The following COL24A1 variants were observed in gnomAD, a reference collection of about 807,000 sequenced individuals.
COL24A1 encodes collagen alpha-1(XXIV) chain.
Under a neutral mutation model 253.9 loss-of-function variants are expected in COL24A1, and 224 were observed. The observed-to-expected ratio is 0.88, with a 90% CI of 0.79 to 0.99. COL24A1 has a LOEUF of 0.99. Ranked by LOEUF, COL24A1 falls within the 50% of genes least tolerant of loss-of-function variation. The probability of loss-of-function intolerance (pLI) is 0.00; values close to 1 mark genes in which losing one functional copy is unlikely to be tolerated. For synonymous variants in COL24A1, 685 were observed against 673.7 expected, an observed-to-expected ratio of 1.02 and a Z score of -0.26; for missense variants, 2,131 against 2,068.5, an observed-to-expected ratio of 1.03 and a Z score of -0.59.
intron 10 of COL24A1, among the ~76,000 whole-genome samples, chr1:86,056,501 A>T (rs1700671003): frequency 6.6e-6 from 1 of 152,246 alleles, no homozygotes; most frequent in South Asian, 2.1e-4. Context: ...ATACTTTTTT[A>T]AAATGTAAGA....
intron 47 of COL24A1, among the ~76,000 whole-genome samples, chr1:85,787,550 T>C (rs1290948594): frequency 2.0e-5 from 3 of 152,228 alleles, no homozygotes; most frequent in African/African-American, 7.2e-5. Context: ...TCTCATTCCT[T>C]TTTATGGCTG....
chr1:86,034,003 A>C, intron 12 of COL24A1, 80 bp from the exon 13 acceptor site: 1 of 1,078,450 alleles, frequency 9.3e-7, no homozygotes, highest in African/African-American at 1.7e-5. Context: ...GAATTTAGTA[A>C]TAGAAAATAT....
chr1:86,105,299 C>A (rs2221589), intron 5 of COL24A1, among the ~76,000 whole-genome samples: 67,729 of 152,086 alleles, frequency 0.45, 15,760 homozygotes, highest in African/African-American at 0.59. Flanking sequence ...TCTGCCTGCA[C>A]ACACATGCGT....
intron 4 of COL24A1, 76 bp downstream of exon 4, chr1:86,115,249 T>C (rs1706026565): frequency 2.1e-6 from 3 of 1,456,964 alleles, no homozygotes; most frequent in Non-Finnish European, 1.9e-6. Flanking sequence ...AAGTACATAC[T>C]GTACAATACT....
chr1:85,759,067 C>T (rs1666573614), intron 55 of COL24A1, among the ~76,000 whole-genome samples: 1 of 152,102 alleles, frequency 6.6e-6, no homozygotes, highest in Non-Finnish European at 1.5e-5. Context: ...TTATGATCCG[C>T]TGACCAATGA....
chr1:85,857,458 C>CAAAAAAAAAAAAAA (rs57368737), intron 37 of COL24A1, among the ~76,000 whole-genome samples: 2 of 94,488 alleles, frequency 2.1e-5, no homozygotes, highest in Non-Finnish European at 4.2e-5. Context: ...CCCTCTTCTC[C>CAAAAAAAAAAAAAA]AAAAAAAAAA....
chr1:86,043,796 G>T (rs1037108009), intron 12 of COL24A1, among the ~76,000 whole-genome samples: 14 of 152,174 alleles, frequency 9.2e-5, no homozygotes, highest in African/African-American at 3.1e-4. Flanking sequence ...AAAGCACTGG[G>T]ATTATAGGCA....
rs781239648 is a variant in COL24A1, at chr1:85,909,997, G to C, written c.2623C>G (p.Arg875Gly). 6.2e-7 allele frequency: 1 copy of C among 1,609,374 alleles called. No individual in the cohort carries two copies. Among genetic ancestry groups the C allele is most frequent in the Non-Finnish European group, 8.5e-7 (1 of 1,176,398 alleles). Residue 875 changes from arginine to glycine, a missense_variant, in exon 26 of 60, where the codon CGT becomes GGT. Physicochemically the swap from Arg to Gly is moderately radical, Grantham distance 125. Transcript: ENST00000370571. Reference protein sequence around the residue: ...MTGSIGEKGERGSPGPLGPQG... With the variant: ...MTGSIGEKGEGGSPGPLGPQG... The stretch of plus-strand genomic sequence containing the variant: ...GGACCTAGTGGGCCTGGACTTCCAC[G>C]TTCTCCCTTTTAAGAGAACAAAGAA...
chr1:86,044,679 A>T (rs913381992), intron 12 of COL24A1, among the ~76,000 whole-genome samples: 3 of 152,192 alleles, frequency 2.0e-5, no homozygotes, highest in Admixed American at 6.5e-5. Context: ...TTTAAATTCA[A>T]TAGACTCCTG....
At position 85,744,717 on chromosome 1, in the gene COL24A1, G is replaced by T; in HGVS notation, c.4621C>A (p.Pro1541Thr). ...AGTAAATCTTTGCAGATTCGTGCTG[G>T]GTTATCTCGTGTGCCAAGAGGATTC... is the stretch of plus-strand genomic sequence containing the variant. ...IKNPLGTRDN[P>T]ARICKDLLNC... The change falls in exon 57 of 60, where the codon CCA becomes ACA. Residue 1541 changes from proline (P) to threonine (T), a missense_variant. Physicochemically the swap from Pro to Thr is conservative, Grantham distance 38 (BLOSUM62 -1). Coordinates refer to ENST00000370571, the MANE Select transcript of COL24A1 (RefSeq NM_152890.7). 6.2e-7 allele frequency: 1 copy of T among 1,608,954 alleles called. No individual in the cohort carries two copies. Among genetic ancestry groups the T allele is most frequent in the Non-Finnish European group, 8.5e-7 (1 of 1,178,470 alleles).
chr1:85,734,893 G>T lies in COL24A1; in HGVS notation c.4854C>A (p.Ile1618=), dbSNP rs1663884580. The T allele has an allele frequency of 6.2e-7, 1 of 1,614,092 alleles. No individual in the cohort carries two copies. The highest frequency in any genetic ancestry group is 1.1e-5 in the South Asian group (1 of 91,094). ...TTGGGGTGTTTAGACAGTGAATGGT[G>T]ATGATATGGGTGGCTTCCGAACTCA... The part of the protein sequence containing the change: ...HLLSSEATHI[I]TIHCLNTPRW... Residue 1618 remains isoleucine (I), a synonymous_variant, in exon 59 of 60, where the codon ATC becomes ATA. Coordinates refer to ENST00000370571, the MANE Select transcript of COL24A1 (RefSeq NM_152890.7).
At chr1:86,067,502 G>C (rs1417995203) in intron 7 of COL24A1, among the ~76,000 whole-genome samples, 1 of 152,206 alleles carries the variant, frequency 6.6e-6, no homozygotes, top group Non-Finnish European at 1.5e-5. Flanking sequence ...ATGAATGAAT[G>C]AATGGATGAG....
At chr1:85,771,196 G>A (rs1040360577) in intron 53 of COL24A1, among the ~76,000 whole-genome samples, 1 of 152,162 alleles carries the variant, frequency 6.6e-6, no homozygotes, top group Admixed American at 6.5e-5. Context: ...GTGGTTTGCT[G>A]CACCTATCAA....
At chr1:85,818,112 A>G in intron 45 of COL24A1, 25 bp from the exon 46 acceptor site, 1 of 1,581,586 alleles carries the variant, frequency 6.3e-7, no homozygotes, top group Non-Finnish European at 8.7e-7. Context: ...CACAGTTGTC[A>G]ATTGACTGTA....
chr1:85,826,650 A>C (rs1674385785), intron 43 of COL24A1, among the ~76,000 whole-genome samples: 1 of 151,508 alleles, frequency 6.6e-6, no homozygotes, highest in Admixed American at 6.6e-5. Context: ...CATCCCTTGT[A>C]AGTTGGATTC....
Position 85,896,664 on chromosome 1 carries a change from A to AT in COL24A1, c.2779-256dup, listed in dbSNP as rs759071073. On this transcript the variant is annotated intron_variant, in intron 28 of 59. Coordinates refer to ENST00000370571, the MANE Select transcript of COL24A1 (RefSeq NM_152890.7). ...AGGCGCTCGCCACCACGCCTGGCTA[A>AT]TTTTTTTGTATTTTTAGTACAGACG... Among the ~76,000 whole-genome samples the AT allele has an allele frequency of 2.0e-5, 3 of 152,048 alleles. No homozygotes were observed. The East Asian group carries it at 5.8e-4, about 29-fold the overall frequency.
At chr1:86,041,261 G>A (rs1275878540) in intron 12 of COL24A1, among the ~76,000 whole-genome samples, 3 of 152,108 alleles carry the variant, frequency 2.0e-5, no homozygotes, top group Admixed American at 2.0e-4. Flanking sequence ...AATGTAATGT[G>A]ATTTGATTAT....
chr1:86,081,093 C>T (rs946027371), intron 7 of COL24A1, among the ~76,000 whole-genome samples: 1 of 152,018 alleles, frequency 6.6e-6, no homozygotes, highest in Non-Finnish European at 1.5e-5. Context: ...TAATTGAAAA[C>T]ATTAGAAATT....
intron 47 of COL24A1, among the ~76,000 whole-genome samples, chr1:85,813,696 G>A (rs555261584): frequency 5.4e-5 from 8 of 148,968 alleles, no homozygotes; most frequent in Non-Finnish European, 1.2e-4. Context: ...GACGACAGGC[G>A]CCCGCCACTA....
Sources: allele counts gnomAD v4.1 joint callset (sites outside exome capture counted in the v4.1 genomes callset), GRCh38; gene constraint gnomAD v4.1.1; transcripts MANE v1.5; gene names NCBI Gene and HGNC (gene_info 2026-07-23, HGNC 2026-07-21).